HEATR1: variants seen among roughly 807,000 people sequenced by gnomAD.
HEATR1 encodes HEAT repeat-containing protein 1.
In HEATR1, 77 loss-of-function variants were observed where a neutral mutation model predicts 248.2. That is an observed-to-expected ratio of 0.31 (90% confidence interval 0.26 to 0.37). The LOEUF is 0.37. HEATR1 is among the 10% of genes least tolerant of loss of function. HEATR1 has a pLI of 1.00. For missense variants in HEATR1, 2,420 were observed against 2,504.9 expected, an observed-to-expected ratio of 0.97 and a Z score of 0.72; for synonymous variants, 897 against 923.1, an observed-to-expected ratio of 0.97 and a Z score of 0.51.
chr1:236,580,650 G>C (rs2103141154), intron 20 of HEATR1, among the ~76,000 whole-genome samples: 1 of 151,700 alleles, frequency 6.6e-6, no homozygotes, highest in East Asian at 1.9e-4. Context: ...CTGAGTAGCT[G>C]GGACTACAGG....
At chr1:236,593,568 G>A (rs1418240896) in intron 9 of HEATR1, among the ~76,000 whole-genome samples, 1 of 120,886 alleles carries the variant, frequency 8.3e-6, no homozygotes, top group African/African-American at 3.3e-5. Flanking sequence ...TCACTGTATC[G>A]AGTTGCCCAT....
At chr1:236,561,122 CT>C in intron 33 of HEATR1, 102 bp downstream of exon 33, 1 of 844,420 alleles carries the variant, frequency 1.2e-6, no homozygotes, top group East Asian at 2.5e-5. Flanking sequence ...AATGGTGAAC[CT>C]GGTTGTAAAG....
intron 2 of HEATR1, among the ~76,000 whole-genome samples, 178 bp from the exon 3 acceptor site, chr1:236,603,554 C>CTAGATAGGATTCTGTTCT (rs1287527189): frequency 1.3e-5 from 2 of 151,008 alleles, no homozygotes; most frequent in Non-Finnish European, 2.9e-5. Context: ...AATCCTATCT[C>CTAGATAGGATTCTGTTCT]ATCTACTAGA....
rs915000882 is a variant in HEATR1, at chr1:236,597,861, T to C, written c.603+17A>G. The C allele has an allele frequency of 6.5e-7, 1 of 1,536,342 alleles. No homozygotes were observed. The highest frequency in any genetic ancestry group is 9.0e-7 in the Non-Finnish European group (1 of 1,111,302). ...ATCTTTTCATAAAATTATATACTCA[T>C]GAAACAGACTGCTCACCTTCACAGA... is the stretch of plus-strand genomic sequence containing the variant. On this transcript the variant is annotated intron_variant, in intron 5 of 44. Transcript: ENST00000366582.
At chr1:236,551,294 AG>A (rs1038954646) in intron 44 of HEATR1, 6 of 343,690 alleles carry the variant, frequency 1.7e-5, no homozygotes, top group African/African-American at 1.3e-4. Context: ...TAAGAAACAA[AG>A]GAGAATGTAC....
intron 19 of HEATR1, among the ~76,000 whole-genome samples, chr1:236,581,907 T>A (rs1231597889): frequency 6.6e-6 from 1 of 152,206 alleles, no homozygotes; most frequent in African/African-American, 2.4e-5. Flanking sequence ...TGGGCTGTTG[T>A]TATTTTTAAA....
rs753947168 is a variant in HEATR1, at chr1:236,551,040, G to A, written c.6347-50C>T. 5.8e-6 allele frequency: 8 copies of A among 1,374,408 alleles called. No homozygotes were observed. In the East Asian group the frequency reaches 1.9e-4, roughly 33 times the overall value. 85.1% of individuals were successfully genotyped at this position (1,374,408 alleles called of 1,614,324 possible). A position where few individuals can be genotyped will look rare whatever the true frequency, so the allele number is the denominator to read the frequency against. The stretch of plus-strand genomic sequence containing the variant: ...AATTAAAATCTGAGTCAGTCCGCCT[G>A]CCTCGGTTCTCATTAGTTTAATTCT... On this transcript the variant is annotated intron_variant, in intron 44 of 44. Coordinates refer to ENST00000366582, the MANE Select transcript of HEATR1 (RefSeq NM_018072.6).
In HEATR1 at chr1:236,556,016, A is replaced by G; in HGVS notation, c.5515-77T>C. On this transcript the variant is annotated intron_variant, in intron 38 of 44. Coordinates refer to ENST00000366582, the MANE Select transcript of HEATR1 (RefSeq NM_018072.6). ...TCAGCGGTGTGTATTTTTAAAAACTAAATCTTCTTCTTTAAGTCAAAGTTT... is the reference window on the plus strand; with the variant it reads ...TCAGCGGTGTGTATTTTTAAAAACTGAATCTTCTTCTTTAAGTCAAAGTTT... 4 of 1,605,604 alleles carry G rather than the reference A, an allele frequency of 2.5e-6. No individual in the cohort carries two copies. The East Asian group carries it at 6.7e-5, about 27-fold the overall frequency.
At chr1:236,573,997 A>G (rs183139695) in intron 24 of HEATR1, 1 of 397,636 alleles carries the variant, frequency 2.5e-6, no homozygotes, top group East Asian at 4.4e-5. Context: ...TAAAATTATC[A>G]ACAAATACTT....
chr1:236,551,992 G>A lies in HEATR1; in HGVS notation c.6346+7C>T, dbSNP rs1339145665. 4.5e-6 allele frequency: 7 copies of A among 1,538,966 alleles called. No individual in the cohort carries two copies. Among genetic ancestry groups the A allele is most frequent in the African/African-American group, 1.4e-5 (1 of 73,468 alleles). On this transcript the variant is annotated splice_region_variant and intron_variant, in intron 44 of 44. Coordinates refer to ENST00000366582, the MANE Select transcript of HEATR1 (RefSeq NM_018072.6). Reference sequence around the variant, plus strand: ...TGTTTAATGGTTGGGAATAGTTTGGGAATTACCTTCCATCAACTCTGCTAA... The same window carrying A: ...TGTTTAATGGTTGGGAATAGTTTGGAAATTACCTTCCATCAACTCTGCTAA...
chr1:236,585,089 G>A lies in HEATR1; in HGVS notation c.2177C>T (p.Ala726Val), dbSNP rs1663849253. The A allele has an allele frequency of 2.5e-6, 4 of 1,613,766 alleles. No individual in the cohort carries two copies. Among genetic ancestry groups the A allele is most frequent in the Non-Finnish European group, 3.4e-6 (4 of 1,179,842 alleles). Residue 726 changes from alanine (A) to valine (V), a missense_variant, in exon 17 of 45, where the codon GCG becomes GTG. Physicochemically the swap from Ala to Val is moderately conservative, Grantham distance 64. Coordinates refer to ENST00000366582, the MANE Select transcript of HEATR1 (RefSeq NM_018072.6). ...SSLKETHFPF[A>V]IRVFSLLQKK... ...CTGCAACAAACTGAAGACTCTTATC[G>A]CAAATGGAAAGTGGGTTTCTTTTAA...
At chr1:236,574,595 C>CCA in intron 23 of HEATR1, 66 bp downstream of exon 23, 1 of 1,493,614 alleles carries the variant, frequency 6.7e-7, no homozygotes, top group Admixed American at 2.2e-5. Context: ...TAACGCTGTT[C>CCA]CTGTTGCCTT....
intron 28 of HEATR1, among the ~76,000 whole-genome samples, chr1:236,570,529 G>A (rs1663399551): frequency 6.6e-6 from 1 of 152,078 alleles, no homozygotes; most frequent in African/African-American, 2.4e-5. Flanking sequence ...AATGGGTGTA[G>A]GGTTTCTTTT....
At position 236,554,769 on chromosome 1, in the gene HEATR1, A is replaced by G. The variant is rs184185230; in HGVS notation, c.5924-17T>C. The G allele has an allele frequency of 2.1e-5, 34 of 1,589,952 alleles. No individual in the cohort carries two copies. The highest frequency in any genetic ancestry group is 6.8e-5 in the African/African-American group (5 of 73,368). On this transcript the variant is annotated splice_polypyrimidine_tract_variant and intron_variant, in intron 41 of 44. Transcript: ENST00000366582. ...ATGCTTCATCTGTAGACGTGGGAAGAGTAAAAATGAAAAAACACTGAACTT... is the reference window on the plus strand; with the variant it reads ...ATGCTTCATCTGTAGACGTGGGAAGGGTAAAAATGAAAAAACACTGAACTT...
At chr1:236,558,955 C>T (rs1663050872) in intron 35 of HEATR1, 40 bp downstream of exon 35, 2 of 1,525,536 alleles carry the variant, frequency 1.3e-6, no homozygotes, top group Admixed American at 2.3e-5. Flanking sequence ...TTTGATAAAG[C>T]AAAGTACAGT....
Position 236,550,803 on chromosome 1 carries a change from A to C in HEATR1, c.*99T>G. 1 of 868,006 alleles carries C rather than the reference A, an allele frequency of 1.2e-6. No individual in the cohort carries two copies. The highest frequency in any genetic ancestry group is 1.8e-6 in the Non-Finnish European group (1 of 552,386). The allele number at this position is 868,006 out of a possible 1,614,324, so 53.8% of individuals were successfully genotyped here. On this transcript the variant is annotated 3_prime_UTR_variant, in exon 45 of 45. Coordinates refer to ENST00000366582, the MANE Select transcript of HEATR1 (RefSeq NM_018072.6). ...ATTTGTAAGTAATCCAAGTAGGTGT[A>C]TTAAGGCACCAAAAGTAACATGGCA...
rs2103123471 is a variant in HEATR1, at chr1:236,554,765, G to A, written c.5924-13C>T. On this transcript the variant is annotated splice_polypyrimidine_tract_variant and intron_variant, in intron 41 of 44. Transcript: ENST00000366582. ...AAAAATGCTTCATCTGTAGACGTGG[G>A]AAGAGTAAAAATGAAAAAACACTGA... The A allele has an allele frequency of 1.3e-6, 2 of 1,594,394 alleles. No individual in the cohort carries two copies. The highest frequency in any genetic ancestry group is 1.2e-5 in the South Asian group (1 of 86,622).
At position 236,576,256 on chromosome 1, in the gene HEATR1, T is replaced by G. The variant is rs1663558892; in HGVS notation, c.3047A>C (p.Lys1016Thr). Residue 1016 changes from lysine to threonine, a missense_variant, in exon 22 of 45, where the codon AAA becomes ACA. Lys to Thr is a moderately conservative substitution (Grantham distance 78). Coordinates refer to ENST00000366582, the MANE Select transcript of HEATR1 (RefSeq NM_018072.6). The part of the protein sequence containing the change: ...CVYSCPSYIA[K>T]DLMKVLQGVN... ...TCCCTGAAGTACTTTCATCAAATCT[T>G]TTGCTATATAAGATGGGCAACTATA... 4 of 1,607,798 alleles carry G rather than the reference T, an allele frequency of 2.5e-6. No homozygotes were observed. Among genetic ancestry groups the G allele is most frequent in the Non-Finnish European group, 3.4e-6 (4 of 1,178,258 alleles).
At chr1:236,568,907 AAAACT>A in intron 29 of HEATR1, 84 bp downstream of exon 29, 1 of 960,810 alleles carries the variant, frequency 1.0e-6, no homozygotes, top group Non-Finnish European at 1.4e-6. Context: ...ACAAAAAAAA[AAAACT>A]AAAAAAAAGG....
Sources: gnomAD v4.1 joint callset for allele counts (sites outside exome capture counted in the v4.1 genomes callset) on GRCh38, gnomAD v4.1.1 for gene constraint, MANE v1.5 for transcripts, NCBI Gene and HGNC (gene_info 2026-07-23, HGNC 2026-07-21) for gene names.